The following SLC44A5 variants were observed in gnomAD, a reference collection of about 807,000 sequenced individuals.
The protein encoded by SLC44A5 is solute carrier family 44 member 5, also known as choline transporter-like protein 5.
A neutral mutation model predicts 101.8 loss-of-function variants in SLC44A5; 57 were observed. That is an observed-to-expected ratio of 0.56 (90% confidence interval 0.45 to 0.70). The LOEUF (loss-of-function observed/expected upper bound fraction) is 0.70, where lower values mean the gene tolerates loss of function less well. SLC44A5 is among the 30% of genes least tolerant of loss of function. SLC44A5 has a pLI of 0.00. For missense variants in SLC44A5, 737 were observed against 853.1 expected, an observed-to-expected ratio of 0.86 and a Z score of 1.70; for synonymous variants, 281 against 290.9, an observed-to-expected ratio of 0.97 and a Z score of 0.35.
intron 2 of SLC44A5, among the ~76,000 whole-genome samples, chr1:75,516,281 C>T (rs1379249427): frequency 6.6e-6 from 1 of 151,962 alleles, no homozygotes; most frequent in African/African-American, 2.4e-5. Flanking sequence ...TTGGGAGGCC[C>T]AGGCGGGTGG....
chr1:75,489,912 T>C (rs1205371747), intron 2 of SLC44A5, among the ~76,000 whole-genome samples: 1 of 152,114 alleles, frequency 6.6e-6, no homozygotes, highest in Admixed American at 6.6e-5. Flanking sequence ...CTAACCCATA[T>C]AAAGAGTTAA....
At chr1:75,635,304 AC>A in the SLC44A5 span, among the ~76,000 whole-genome samples, 1 of 151,874 alleles carries the variant, frequency 6.6e-6, no homozygotes, top group Non-Finnish European at 1.5e-5. Flanking sequence ...CCATCCCATT[AC>A]TGGGTATATA....
At chr1:75,306,550 A>C (rs548194799) in intron 4 of SLC44A5, among the ~76,000 whole-genome samples, 285 of 152,162 alleles carry the variant, frequency 1.9e-3, no homozygotes, top group Non-Finnish European at 3.2e-3. Flanking sequence ...TCACTAAAAA[A>C]CAAATGCAAA....
At chr1:75,343,628 G>T (rs1461458082) in intron 3 of SLC44A5, among the ~76,000 whole-genome samples, 1 of 152,072 alleles carries the variant, frequency 6.6e-6, no homozygotes, top group East Asian at 1.9e-4. Flanking sequence ...AACTCAGGTG[G>T]GATGAATACA....
At chr1:75,701,369 C>T in the SLC44A5 span, among the ~76,000 whole-genome samples, 2 of 152,174 alleles carry the variant, frequency 1.3e-5, no homozygotes, top group Admixed American at 6.6e-5. Context: ...AATCAATAAA[C>T]ATAATCCAGC....
intron 2 of SLC44A5, among the ~76,000 whole-genome samples, chr1:75,508,793 G>T (rs1669406937): frequency 6.6e-6 from 1 of 152,116 alleles, no homozygotes; most frequent in African/African-American, 2.4e-5. Context: ...GTTACAAATA[G>T]AATGGGAATA....
At chr1:75,480,940 C>T (rs921739840) in intron 2 of SLC44A5, among the ~76,000 whole-genome samples, 7 of 152,200 alleles carry the variant, frequency 4.6e-5, no homozygotes, top group South Asian at 2.1e-4. Context: ...GAGCCCTCAT[C>T]GTCAAGTCAA....
chr1:75,523,142 A>G (rs1050059893), intron 2 of SLC44A5, among the ~76,000 whole-genome samples: 1 of 152,166 alleles, frequency 6.6e-6, no homozygotes, highest in Non-Finnish European at 1.5e-5. Flanking sequence ...AATGATTGCC[A>G]AGAACTCACT....
chr1:75,324,866 T>C (rs1011728739), intron 4 of SLC44A5, among the ~76,000 whole-genome samples: 8 of 152,136 alleles, frequency 5.3e-5, no homozygotes, highest in Non-Finnish European at 7.4e-5. Flanking sequence ...GCAAGTCAAA[T>C]ACCAAAGAAT....
intron 4 of SLC44A5, among the ~76,000 whole-genome samples, chr1:75,322,818 C>T (rs181485570): frequency 9.9e-5 from 15 of 152,252 alleles, no homozygotes; most frequent in African/African-American, 3.4e-4. Flanking sequence ...TAACCTAGAC[C>T]TGGATTCCAA....
chr1:75,626,111 A>G, the SLC44A5 span, among the ~76,000 whole-genome samples: 1 of 152,160 alleles, frequency 6.6e-6, no homozygotes, highest in Non-Finnish European at 1.5e-5. Context: ...AATCTTAGTC[A>G]CTATTAGGGT....
intron 1 of SLC44A5, among the ~76,000 whole-genome samples, chr1:75,573,127 C>CAAAAAAAAAAAAAAAAAAAAAA (rs745593621): frequency 1.2e-4 from 2 of 16,688 alleles, no homozygotes; most frequent in African/African-American, 4.9e-4. Flanking sequence ...GGCTCCATCT[C>CAAAAAAAAAAAAAAAAAAAAAA]AAAAAAAAAA....
At chr1:75,560,746 A>T (rs1446177514) in intron 1 of SLC44A5, among the ~76,000 whole-genome samples, 1 of 152,118 alleles carries the variant, frequency 6.6e-6, no homozygotes, top group African/African-American at 2.4e-5. Context: ...CTCAGTTTCT[A>T]CTCACTGAAA....
intron 1 of SLC44A5, among the ~76,000 whole-genome samples, chr1:75,565,768 C>T (rs1019936129): frequency 1.3e-5 from 2 of 152,138 alleles, no homozygotes; most frequent in African/African-American, 4.8e-5. Context: ...CTCCAGGAGC[C>T]ATTATGAGAA....
intron 4 of SLC44A5, among the ~76,000 whole-genome samples, chr1:75,326,610 A>G (rs959005065): frequency 6.6e-6 from 1 of 152,178 alleles, no homozygotes; most frequent in Non-Finnish European, 1.5e-5. Flanking sequence ...GAAAACCAAG[A>G]GTGTTTAACA....
chr1:75,608,601 A>T (rs1206198698), intron 1 of SLC44A5, among the ~76,000 whole-genome samples: 1 of 152,014 alleles, frequency 6.6e-6, no homozygotes, highest in Non-Finnish European at 1.5e-5. Context: ...CTTTCTAAAA[A>T]GTTTAATATA....
chr1:75,530,729 C>A (rs1670668516), intron 2 of SLC44A5, among the ~76,000 whole-genome samples: 1 of 152,154 alleles, frequency 6.6e-6, no homozygotes, highest in South Asian at 2.1e-4. Context: ...GTGACCCTGA[C>A]ATTTTCTAGT....
intron 1 of SLC44A5, among the ~76,000 whole-genome samples, chr1:75,565,130 C>T (rs1413279300): frequency 6.6e-6 from 1 of 152,162 alleles, no homozygotes; most frequent in Non-Finnish European, 1.5e-5. Context: ...CCAGGTTAAA[C>T]ATTAATGAGG....
chr1:75,221,377 T>C (rs905796106), intron 14 of SLC44A5, among the ~76,000 whole-genome samples: 2 of 152,218 alleles, frequency 1.3e-5, no homozygotes, highest in Non-Finnish European at 2.9e-5. Flanking sequence ...ACAGTATTAT[T>C]CTTGAATGAC....
Sources: allele counts gnomAD v4.1 joint callset (sites outside exome capture counted in the v4.1 genomes callset), GRCh38; gene constraint gnomAD v4.1.1; transcripts MANE v1.5; gene names NCBI Gene and HGNC (gene_info 2026-07-23, HGNC 2026-07-21).